Variants in AUTS2 observed in about 807,000 individuals in gnomAD.
The protein encoded by AUTS2 is autism susceptibility gene 2 protein.
A neutral mutation model predicts 112.4 loss-of-function variants in AUTS2; 17 were observed. That is an observed-to-expected ratio of 0.15 (90% CI 0.10 to 0.23). The LOEUF (loss-of-function observed/expected upper bound fraction) is 0.23. AUTS2 is among the 10% of genes least tolerant of loss of function. AUTS2 has a pLI of 1.00. For missense variants in AUTS2, 1,510 were observed against 1,701.6 expected (o/e 0.89, Z 1.98); for synonymous variants, 751 against 702.7 (o/e 1.07, Z -1.09).
intron 4 of AUTS2, among the ~76,000 whole-genome samples, chr7:70,198,297 A>C (rs1468958183): frequency 6.7e-6 from 1 of 149,868 alleles, no homozygotes; most frequent in East Asian, 2.0e-4. Context: ...TCCTCCTCCA[A>C]AGGAACGCAG....
intron 1 of AUTS2, among the ~76,000 whole-genome samples, chr7:69,731,143 T>G (rs117852193): frequency 0.019 from 2,859 of 152,144 alleles, 38 homozygotes; most frequent in Non-Finnish European, 0.032. Context: ...AATACAAAAA[T>G]TAGCCAGGTG....
chr7:70,311,923 C>A (rs567693447), intron 4 of AUTS2, among the ~76,000 whole-genome samples: 7 of 152,320 alleles, frequency 4.6e-5, no homozygotes, highest in African/African-American at 1.7e-4. Flanking sequence ...ACCGTGTTAG[C>A]CAGGATGGTC....
intron 2 of AUTS2, among the ~76,000 whole-genome samples, chr7:69,921,780 A>AG (rs1795826075): frequency 6.7e-6 from 1 of 148,418 alleles, no homozygotes; most frequent in Non-Finnish European, 1.5e-5. Flanking sequence ...AAAAAAAAAA[A>AG]AAAGGCCGGG....
intron 5 of AUTS2, among the ~76,000 whole-genome samples, chr7:70,555,195 A>G (rs570030444): frequency 1.3e-5 from 2 of 152,348 alleles, no homozygotes; most frequent in South Asian, 4.1e-4. Flanking sequence ...GTGCCCACCC[A>G]TCTTGCCCAG....
At chr7:69,877,201 A>G (rs1793842108) in intron 1 of AUTS2, among the ~76,000 whole-genome samples, 1 of 152,180 alleles carries the variant, frequency 6.6e-6, no homozygotes, top group African/African-American at 2.4e-5. Context: ...CTGTCAATGA[A>G]TCAGTTAGTG....
chr7:70,561,744 C>T (rs549578061), intron 5 of AUTS2, among the ~76,000 whole-genome samples: 5 of 152,296 alleles, frequency 3.3e-5, no homozygotes, highest in African/African-American at 1.2e-4. Flanking sequence ...AGACCTACTC[C>T]TTAATTGTGT....
chr7:69,989,994 A>G (rs1046901612), intron 2 of AUTS2, among the ~76,000 whole-genome samples: 1 of 152,134 alleles, frequency 6.6e-6, no homozygotes, highest in African/African-American at 2.4e-5. Context: ...TCCCATCCCC[A>G]GGTCTGTGGG....
At position 70,790,137 on chromosome 7, in the gene AUTS2, C is replaced by G. The variant is rs778048697; in HGVS notation, c.2921C>G (p.Pro974Arg). The G allele has an allele frequency of 6.2e-7, 1 of 1,608,676 alleles. No homozygotes were observed. Among genetic ancestry groups the G allele is most frequent in the Admixed American group, 1.7e-5 (1 of 59,358 alleles). Residue 974 changes from proline (P) to arginine (R), a missense_variant, in exon 19 of 19, where the codon CCC becomes CGC. Transcript: ENST00000342771. This position sits in a 1 kb window ranked among gnomAD's most constrained non-coding sequence, Gnocchi z 7.6. ...PRKGEPAYEN[P>R]KKSSEVKVKE... ...AAGGGTGAGCCGGCCTACGAGAACC[C>G]CAAGAAGAGCTCCGAGGTCAAGGTG...
intron 4 of AUTS2, among the ~76,000 whole-genome samples, chr7:70,246,607 C>G (rs948673424): frequency 6.6e-6 from 1 of 151,866 alleles, no homozygotes; most frequent in Non-Finnish European, 1.5e-5. Context: ...TTAATTATTG[C>G]TTGATATTTT....
intron 1 of AUTS2, among the ~76,000 whole-genome samples, chr7:69,800,657 GTTTGA>G (rs1219314817): frequency 6.6e-6 from 1 of 152,206 alleles, no homozygotes; most frequent in East Asian, 1.9e-4. Flanking sequence ...TTCTGGCAGA[GTTTGA>G]TTTATCTCTG....
chr7:70,190,032 G>C (rs1809802177), intron 4 of AUTS2, among the ~76,000 whole-genome samples: 1 of 152,160 alleles, frequency 6.6e-6, no homozygotes, highest in African/African-American at 2.4e-5. Context: ...GTATCCTTCA[G>C]AATGTTTACA....
At chr7:70,614,289 CT>C (rs3214232) in intron 5 of AUTS2, among the ~76,000 whole-genome samples, 17,562 of 150,272 alleles carry the variant, frequency 0.12, 1,130 homozygotes, top group Middle Eastern at 0.22. Context: ...ATTTAAATTA[CT>C]TTTTTTTTTA....
intron 4 of AUTS2, among the ~76,000 whole-genome samples, chr7:70,367,107 G>A (rs1364407400): frequency 1.3e-5 from 2 of 152,060 alleles, no homozygotes; most frequent in African/African-American, 4.8e-5. Context: ...CAACATTTGC[G>A]AAACCCCGTC....
intron 5 of AUTS2, among the ~76,000 whole-genome samples, chr7:70,604,398 T>C (rs1365940105): frequency 6.6e-6 from 1 of 152,170 alleles, no homozygotes; most frequent in African/African-American, 2.4e-5. Context: ...CTTGCTGTGA[T>C]TGTGTAAGGC....
chr7:70,673,675 C>T (rs562108587), intron 5 of AUTS2, among the ~76,000 whole-genome samples: 3 of 152,230 alleles, frequency 2.0e-5, no homozygotes, highest in South Asian at 2.1e-4. Flanking sequence ...CATGCCTGGC[C>T]GGATTGTACT....
chr7:70,277,859 A>G (rs1788000124), intron 4 of AUTS2, among the ~76,000 whole-genome samples: 2 of 152,146 alleles, frequency 1.3e-5, no homozygotes, highest in Non-Finnish European at 2.9e-5. Flanking sequence ...AGAGAGCAAA[A>G]AACTATCAAG....
intron 5 of AUTS2, among the ~76,000 whole-genome samples, chr7:70,648,015 C>T (rs1015018053): frequency 4.6e-5 from 7 of 152,102 alleles, no homozygotes; most frequent in East Asian, 1.9e-4. Flanking sequence ...TGAGTGATGA[C>T]GGCATGTACA....
At chr7:69,857,690 C>T (rs891128249) in intron 1 of AUTS2, among the ~76,000 whole-genome samples, 1 of 151,968 alleles carries the variant, frequency 6.6e-6, no homozygotes, top group Non-Finnish European at 1.5e-5. Context: ...TTTTGGACTA[C>T]TGTTTATTAA....
At chr7:69,912,997 A>G (rs1396054374) in intron 2 of AUTS2, among the ~76,000 whole-genome samples, 4 of 152,078 alleles carry the variant, frequency 2.6e-5, no homozygotes, top group South Asian at 2.1e-4. Context: ...GCCTCTTAGT[A>G]TAGGACATTT....
Sources: gnomAD v4.1 joint callset for allele counts (sites outside exome capture counted in the v4.1 genomes callset) on GRCh38, gnomAD v4.1.1 for gene constraint, Gnocchi (gnomAD v3.1) non-coding constraint, MANE v1.5 for transcripts, NCBI Gene and HGNC (gene_info 2026-07-23, HGNC 2026-07-21) for gene names.